The following FAM13A variants were observed in gnomAD, a reference collection of about 807,000 sequenced individuals.
The protein encoded by FAM13A is family with sequence similarity 13 member A, also known as protein FAM13A.
A neutral mutation model predicts 129.6 loss-of-function variants in FAM13A; 76 were observed. The observed-to-expected ratio is 0.59, with a 90% CI of 0.49 to 0.71. FAM13A has a LOEUF of 0.71. FAM13A is among the 30% of genes least tolerant of loss of function. The pLI is 0.00. For synonymous variants in FAM13A, 443 were observed against 449.9 expected, an observed-to-expected ratio of 0.98 and a Z score of 0.20; for missense variants, 1,108 against 1,249.3, an observed-to-expected ratio of 0.89 and a Z score of 1.70.
intron 5 of FAM13A, among the ~76,000 whole-genome samples, chr4:88,925,003 A>T (rs1374254784): frequency 6.6e-6 from 1 of 150,722 alleles, no homozygotes; most frequent in Non-Finnish European, 1.5e-5. Flanking sequence ...AACCACAATG[A>T]GATACCATCT....
At chr4:88,898,093 T>A (rs550481313) in intron 6 of FAM13A, among the ~76,000 whole-genome samples, 1 of 152,134 alleles carries the variant, frequency 6.6e-6, no homozygotes, top group African/African-American at 2.4e-5. Context: ...ATAAATAACA[T>A]GTTAGAAATG....
intron 4 of FAM13A, among the ~76,000 whole-genome samples, chr4:88,988,645 A>C (rs1318173145): frequency 6.6e-6 from 1 of 152,206 alleles, no homozygotes; most frequent in Admixed American, 6.5e-5. Flanking sequence ...TTATGAAAAC[A>C]GGAGAAAAGC....
At chr4:88,773,417 C>T (rs1257624513) in intron 11 of FAM13A, among the ~76,000 whole-genome samples, 2 of 152,212 alleles carry the variant, frequency 1.3e-5, no homozygotes, top group Non-Finnish European at 2.9e-5. Context: ...GAGCTCCCAT[C>T]AAGGTAGCTG....
chr4:88,809,854 A>G (rs577728078), intron 7 of FAM13A, among the ~76,000 whole-genome samples: 1 of 151,342 alleles, frequency 6.6e-6, no homozygotes, highest in South Asian at 2.1e-4. Context: ...TAAAAAAAAA[A>G]AAGTCCCGGT....
chr4:88,950,392 T>C (rs757525447), intron 4 of FAM13A, among the ~76,000 whole-genome samples: 34 of 152,160 alleles, frequency 2.2e-4, no homozygotes, highest in Non-Finnish European at 4.7e-4. Context: ...TTAATTGATA[T>C]ATTTAATTGA....
At position 88,852,160 on chromosome 4, in the gene FAM13A, C is replaced by CT. The variant is rs369275871; in HGVS notation, c.844-978dup. On this transcript the variant is annotated intron_variant, in intron 6 of 23. Coordinates refer to ENST00000264344, the MANE Select transcript of FAM13A (RefSeq NM_014883.4). ...GGACTTTCTCTAACTAACTTCAGGT[C>CT]TTTTTTTTTTTTTTTTGAGACAGAG... 3.1e-3 allele frequency among the ~76,000 whole-genome samples: 435 copies of CT among 138,130 alleles called. 2 individuals are homozygous for CT. The highest frequency in any genetic ancestry group is 0.01 in the East Asian group (48 of 4,794). 90.6% of individuals were successfully genotyped at this position (138,130 alleles called of 152,430 possible). A position where few individuals can be genotyped will look rare whatever the true frequency, so the allele number is the denominator to read the frequency against.
chr4:88,834,851 T>C (rs1734541443), intron 7 of FAM13A, among the ~76,000 whole-genome samples: 1 of 152,004 alleles, frequency 6.6e-6, no homozygotes, highest in South Asian at 2.1e-4. Flanking sequence ...TACTATTATC[T>C]CTCTCTTCCT....
chr4:88,800,213 T>C (rs1399854859), intron 8 of FAM13A, among the ~76,000 whole-genome samples: 2 of 152,022 alleles, frequency 1.3e-5, no homozygotes, highest in Non-Finnish European at 2.9e-5. Flanking sequence ...ATGCAAAGAG[T>C]TCTGAAGATG....
At chr4:88,940,851 T>A (rs755914593) in intron 4 of FAM13A, among the ~76,000 whole-genome samples, 1 of 152,184 alleles carries the variant, frequency 6.6e-6, no homozygotes, top group Non-Finnish European at 1.5e-5. Flanking sequence ...GCCTTTCTTA[T>A]AATGAAGTGA....
At chr4:88,894,032 C>T (rs1400133097) in intron 6 of FAM13A, among the ~76,000 whole-genome samples, 1 of 152,064 alleles carries the variant, frequency 6.6e-6, no homozygotes, top group African/African-American at 2.4e-5. Context: ...CATCTTATAA[C>T]CATTAGGTTG....
intron 5 of FAM13A, 141 bp downstream of exon 5, chr4:88,937,943 AATAG>A: frequency 3.3e-6 from 2 of 610,986 alleles, no homozygotes; most frequent in East Asian, 5.6e-5. Context: ...CATTTGGAAT[AATAG>A]ATTTCATAAG....
intron 7 of FAM13A, among the ~76,000 whole-genome samples, chr4:88,848,426 G>T (rs1737037443): frequency 6.6e-6 from 1 of 152,124 alleles, no homozygotes; most frequent in African/African-American, 2.4e-5. Flanking sequence ...GCCTACATTT[G>T]ATTCATTAAA....
At chr4:88,822,670 G>T (rs3775373) in intron 7 of FAM13A, among the ~76,000 whole-genome samples, 42,947 of 152,010 alleles carry the variant, frequency 0.28, 6,913 homozygotes, top group East Asian at 0.51. Context: ...TTATAAACTC[G>T]CTCATTATAC....
At chr4:88,921,350 C>A (rs185379976) in intron 5 of FAM13A, among the ~76,000 whole-genome samples, 152 of 152,330 alleles carry the variant, frequency 1.0e-3, no homozygotes, top group Middle Eastern at 3.4e-3. Flanking sequence ...AACAGCGGAT[C>A]TCTCGGCAGA....
At chr4:88,893,678 C>T (rs920254152) in intron 6 of FAM13A, among the ~76,000 whole-genome samples, 20 of 137,310 alleles carry the variant, frequency 1.5e-4, no homozygotes, top group Admixed American at 1.4e-3. Flanking sequence ...ATAAGCCGGG[C>T]GTGGTGGCGG....
intron 4 of FAM13A, among the ~76,000 whole-genome samples, chr4:88,961,353 T>C (rs1304853704): frequency 1.2e-4 from 6 of 48,608 alleles, no homozygotes; most frequent in Non-Finnish European, 2.0e-4. Flanking sequence ...TTGCCTTTTT[T>C]TTTTTTTTTT....
chr4:88,832,183 T>C lies in FAM13A; in HGVS notation c.1007+18837A>G, dbSNP rs187443252. 1.4e-3 allele frequency among the ~76,000 whole-genome samples: 216 copies of C among 152,328 alleles called. 1 individual carries two copies. Among genetic ancestry groups the C allele is most frequent in the African/African-American group, 4.9e-3 (202 of 41,590 alleles). Reference sequence around the variant, plus strand: ...TGGTGCTGGGAGAACTGGCTAGCCATATGCAGAAAACTGAAACTGGACCCC... The same window carrying C: ...TGGTGCTGGGAGAACTGGCTAGCCACATGCAGAAAACTGAAACTGGACCCC... On this transcript the variant is annotated intron_variant, in intron 7 of 23. Transcript: ENST00000264344.
At chr4:88,933,714 T>C (rs1199723063) in intron 5 of FAM13A, among the ~76,000 whole-genome samples, 1 of 152,180 alleles carries the variant, frequency 6.6e-6, no homozygotes, top group Non-Finnish European at 1.5e-5. Flanking sequence ...ATCACCTTCA[T>C]TACCATCATC....
In FAM13A at chr4:89,032,729, T is replaced by C. The variant is rs551694072; in HGVS notation, c.28-3080A>G. ...ACACTTAGTCTCCACTTGTCCTTTT[T>C]CCAAATAACAAATCCAGACTGTGTT... On this transcript the variant is annotated intron_variant, in intron 1 of 23. Transcript: ENST00000264344. Among the ~76,000 whole-genome samples, 13 of 152,330 alleles carry C rather than the reference T, an allele frequency of 8.5e-5. No individual in the cohort carries two copies. In the East Asian group the frequency reaches 2.5e-3, roughly 29 times the overall value.
Sources: gnomAD v4.1 joint callset for allele counts (sites outside exome capture counted in the v4.1 genomes callset) on GRCh38, gnomAD v4.1.1 for gene constraint, MANE v1.5 for transcripts, NCBI Gene and HGNC (gene_info 2026-07-23, HGNC 2026-07-21) for gene names.